The following STK3 variants were observed in gnomAD, a reference collection of about 807,000 sequenced individuals.
STK3 encodes the protein serine/threonine kinase 3.
In STK3, 41 loss-of-function variants were observed where a neutral mutation model predicts 58.0. The observed-to-expected ratio is 0.71, with a 90% CI of 0.55 to 0.92. The LOEUF is 0.92. Among genes scored for constraint, STK3 ranks in the 40% least tolerant of loss-of-function variants. STK3 has a pLI of 0.00. For synonymous variants in STK3, 170 were observed against 191.0 expected, an observed-to-expected ratio of 0.89 and a Z score of 0.91; for missense variants, 479 against 602.7, an observed-to-expected ratio of 0.79 and a Z score of 2.15.
intron 1 of STK3, among the ~76,000 whole-genome samples, chr8:98,929,363 G>A (rs373506778): frequency 3.3e-5 from 5 of 151,990 alleles, no homozygotes; most frequent in African/African-American, 1.2e-4. Flanking sequence ...GTGATTCAAA[G>A]ATCAGGTTGG....
intron 1 of STK3, among the ~76,000 whole-genome samples, chr8:98,448,348 A>G (rs1374434509): frequency 6.6e-6 from 1 of 152,200 alleles, no homozygotes; most frequent in Non-Finnish European, 1.5e-5. Context: ...ACAATTCCAC[A>G]TTTCAGATTC....
intron 1 of STK3, among the ~76,000 whole-genome samples, chr8:98,937,267 G>A (rs1271804551): frequency 2.0e-5 from 3 of 152,156 alleles, no homozygotes; most frequent in African/African-American, 7.2e-5. Context: ...ATCAGCTTGA[G>A]TGAGCTATGG....
In STK3 at chr8:98,800,186, C is replaced by T. The variant is rs773823535; in HGVS notation, c.26+25329G>A. Among the ~76,000 whole-genome samples, 3 of 152,118 alleles carry T rather than the reference C, an allele frequency of 2.0e-5. No homozygotes were observed. The highest frequency in any genetic ancestry group is 4.4e-5 in the Non-Finnish European group (3 of 68,016). The stretch of plus-strand genomic sequence containing the variant: ...TTGTTTCCTCTAGAATTGAGGCCAC[C>T]AAGCTACAGATGGTCTTACAAATGG... On this transcript the variant is annotated intron_variant, in intron 1 of 10. Coordinates refer to ENST00000419617, the MANE Select transcript of STK3 (RefSeq NM_006281.4). This position sits in a 1 kb window ranked among gnomAD's most constrained non-coding sequence, Gnocchi z 4.8.
At chr8:98,506,664 T>C (rs964348507) in intron 10 of STK3, among the ~76,000 whole-genome samples, 1 of 151,646 alleles carries the variant, frequency 6.6e-6, no homozygotes, top group African/African-American at 2.4e-5. Context: ...TGAGCTGAGA[T>C]TGCACCACAC....
intron 10 of STK3, among the ~76,000 whole-genome samples, chr8:98,476,165 C>T (rs1389614652): frequency 6.6e-6 from 1 of 152,160 alleles, no homozygotes; most frequent in Non-Finnish European, 1.5e-5. Context: ...GTGTATTCAA[C>T]ATATAATATC....
intron 6 of STK3, among the ~76,000 whole-genome samples, chr8:98,610,356 A>G (rs912759157): frequency 6.6e-6 from 1 of 152,254 alleles, no homozygotes; most frequent in Non-Finnish European, 1.5e-5. Context: ...TCCAAGGACA[A>G]GAAGTTCAAC....
intron 4 of STK3, among the ~76,000 whole-genome samples, chr8:98,713,235 A>C (rs1826674506): frequency 6.6e-6 from 1 of 152,206 alleles, no homozygotes; most frequent in African/African-American, 2.4e-5. Context: ...CTAGAAAAGC[A>C]AGAGCAAACA....
chr8:98,711,721 T>C (rs749036020), intron 4 of STK3, among the ~76,000 whole-genome samples: 11 of 152,132 alleles, frequency 7.2e-5, no homozygotes, highest in Non-Finnish European at 1.6e-4. Flanking sequence ...CAGGATATCA[T>C]CCAGGAGAAC....
At chr8:98,607,621 C>A (rs1816877888) in intron 6 of STK3, among the ~76,000 whole-genome samples, 2 of 152,132 alleles carry the variant, frequency 1.3e-5, no homozygotes. Flanking sequence ...TAATGAAGTA[C>A]AATGGTTGTC....
chr8:98,687,668 T>C (rs1049851896), intron 6 of STK3, among the ~76,000 whole-genome samples: 1 of 152,164 alleles, frequency 6.6e-6, no homozygotes, highest in Non-Finnish European at 1.5e-5. Flanking sequence ...ATTTCATATC[T>C]TGCCAAACTA....
At chr8:98,750,618 A>G (rs1020838378) in intron 3 of STK3, among the ~76,000 whole-genome samples, 53 of 143,384 alleles carry the variant, frequency 3.7e-4, no homozygotes, top group African/African-American at 1.3e-3. Flanking sequence ...CCTACCATCC[A>G]AAAAAAAAAA....
At chr8:98,357,114 C>A in the STK3 span, among the ~76,000 whole-genome samples, 1 of 152,270 alleles carries the variant, frequency 6.6e-6, no homozygotes, top group Non-Finnish European at 1.5e-5. Flanking sequence ...TTCCTTCATG[C>A]CCTGAGCTTA....
chr8:98,569,680 T>C (rs1018108760), intron 8 of STK3, among the ~76,000 whole-genome samples: 2 of 149,988 alleles, frequency 1.3e-5, no homozygotes, highest in African/African-American at 5.1e-5. Flanking sequence ...GTAATGATAA[T>C]ATGATATAAG....
chr8:98,571,158 T>C (rs903431336), intron 8 of STK3, among the ~76,000 whole-genome samples: 3 of 152,018 alleles, frequency 2.0e-5, no homozygotes, highest in Non-Finnish European at 4.4e-5. Context: ...GGCTAAACCT[T>C]GTCTCTACTA....
intron 6 of STK3, among the ~76,000 whole-genome samples, chr8:98,696,828 T>G (rs924483491): frequency 6.6e-6 from 1 of 152,224 alleles, no homozygotes; most frequent in Non-Finnish European, 1.5e-5. Flanking sequence ...CTTTTTTGGT[T>G]GTGTCTCTGT....
chr8:98,423,023 G>A (rs1379102735), intron 3 of STK3, among the ~76,000 whole-genome samples: 3 of 152,204 alleles, frequency 2.0e-5, no homozygotes, highest in Non-Finnish European at 4.4e-5. Context: ...CAGTTGCTCA[G>A]GAGAGCACCC....
intron 4 of STK3, among the ~76,000 whole-genome samples, chr8:98,737,874 A>AT (rs1219290083): frequency 1.3e-5 from 2 of 151,910 alleles, no homozygotes; most frequent in Admixed American, 6.6e-5. Flanking sequence ...CACCCAGCTA[A>AT]TTTTTTTGTA....
chr8:98,849,190 C>T (rs997683959), intron 3 of STK3, among the ~76,000 whole-genome samples: 1 of 139,600 alleles, frequency 7.2e-6, no homozygotes, highest in Admixed American at 7.7e-5. Flanking sequence ...CACGCCACTG[C>T]ACTACAGCCT....
intron 6 of STK3, among the ~76,000 whole-genome samples, chr8:98,703,409 G>A (rs1022711736): frequency 1.3e-5 from 2 of 152,004 alleles, no homozygotes; most frequent in Non-Finnish European, 2.9e-5. Context: ...AAAAAAAAAT[G>A]TTGGTAAAAA....
Sources: allele counts gnomAD v4.1 joint callset (sites outside exome capture counted in the v4.1 genomes callset), GRCh38; gene constraint gnomAD v4.1.1; non-coding constraint Gnocchi (gnomAD v3.1); transcripts MANE v1.5; gene names NCBI Gene and HGNC (gene_info 2026-07-23, HGNC 2026-07-21).